The following PRKCA variants were observed in gnomAD, a reference collection of about 807,000 sequenced individuals.
PRKCA encodes the protein protein kinase C alpha type.
In PRKCA, 27 loss-of-function variants were observed where a neutral mutation model predicts 87.0. The observed-to-expected ratio is 0.31, with a 90% CI of 0.23 to 0.43. PRKCA has a LOEUF of 0.43. Among genes scored for constraint, PRKCA ranks in the 20% least tolerant of loss-of-function variants. The probability of loss-of-function intolerance (pLI) is 1.00; values close to 1 mark genes in which losing one functional copy is unlikely to be tolerated. For missense variants in PRKCA, 518 were observed against 852.3 expected (o/e 0.61, Z 4.88); for synonymous variants, 329 against 311.1 (o/e 1.06, Z -0.61).
chr17:66,575,402 A>G (rs990745686), intron 3 of PRKCA, among the ~76,000 whole-genome samples: 13 of 152,204 alleles, frequency 8.5e-5, no homozygotes, highest in African/African-American at 3.1e-4. Context: ...AACATGGGTG[A>G]AACCCCATCT....
At chr17:66,756,722 C>T (rs1021275186) in intron 13 of PRKCA, among the ~76,000 whole-genome samples, 4 of 152,190 alleles carry the variant, frequency 2.6e-5, no homozygotes, top group African/African-American at 9.6e-5. Flanking sequence ...AGTCCAGTAG[C>T]ATGATCTCAG....
intron 2 of PRKCA, among the ~76,000 whole-genome samples, chr17:66,467,779 A>G (rs1169188694): frequency 6.6e-6 from 1 of 151,916 alleles, no homozygotes; most frequent in Non-Finnish European, 1.5e-5. Flanking sequence ...GCTTGTCTTG[A>G]ACTTCTGGGC....
In PRKCA at chr17:66,485,446, C is replaced by T. The variant is rs191008747; in HGVS notation, c.206-10755C>T. ...ACGTGCTGAGTGCTTATGCCCTTAG[C>T]GAGGGAGAGAGGTTTCATCCATGCT... On this transcript the variant is annotated intron_variant, in intron 2 of 16. Transcript: ENST00000413366. 6.4e-3 allele frequency among the ~76,000 whole-genome samples: 979 copies of T among 152,278 alleles called. 31 individuals carry two copies. The highest frequency in any genetic ancestry group is 0.055 in the Admixed American group (841 of 15,298).
intron 2 of PRKCA, among the ~76,000 whole-genome samples, chr17:66,468,210 T>A (rs1915170840): frequency 6.6e-6 from 1 of 152,242 alleles, no homozygotes; most frequent in South Asian, 2.1e-4. Context: ...TTCCTTTATC[T>A]GGGTCTGTGC....
At chr17:66,777,202 C>T in intron 14 of PRKCA, 1 of 985,430 alleles carries the variant, frequency 1.0e-6, no homozygotes, top group Non-Finnish European at 1.2e-6. Flanking sequence ...TGTTGTAACA[C>T]TGTGACCATG....
chr17:66,631,434 G>T (rs1199538984), intron 3 of PRKCA, among the ~76,000 whole-genome samples: 1 of 152,056 alleles, frequency 6.6e-6, no homozygotes, highest in Admixed American at 6.6e-5. Flanking sequence ...TAGAGACAGG[G>T]TCTCACTATG....
At chr17:66,674,093 A>T (rs1441704440) in intron 5 of PRKCA, among the ~76,000 whole-genome samples, 1 of 152,194 alleles carries the variant, frequency 6.6e-6, no homozygotes, top group African/African-American at 2.4e-5. Context: ...CAGGAATCCA[A>T]TGAGCGCAGA....
In PRKCA at chr17:66,644,010, G is replaced by A. The variant is rs144101197; in HGVS notation, c.401-1373G>A. ...CTCCCCGTTGCCTCTGTGCTTTCCA[G>A]AGGCTCTGGCATTTACTGCCTTCAC... On this transcript the variant is annotated intron_variant, in intron 4 of 16. Transcript: ENST00000413366. Among the ~76,000 whole-genome samples, 786 of 152,330 alleles carry A rather than the reference G, an allele frequency of 5.2e-3. 11 individuals carry two copies. Among genetic ancestry groups the A allele is most frequent in the African/African-American group, 0.016 (676 of 41,566 alleles).
rs539520524 is a variant in PRKCA at position 66,734,567 on chromosome 17, C to T, written c.1057-922C>T. ...TCTCATCGCCATCTTGGATTTGGTG[C>T]GTTTTGGCTGGCTTCTTTACTGTAT... On this transcript the variant is annotated intron_variant, in intron 9 of 16. Transcript: ENST00000413366. Among the ~76,000 whole-genome samples the T allele has an allele frequency of 4.6e-5, 7 of 152,264 alleles. No individual in the cohort carries two copies. In the South Asian group the frequency reaches 8.3e-4, roughly 18 times the overall value.
chr17:66,738,947 C>G, intron 11 of PRKCA, 92 bp downstream of exon 11: 1 of 972,244 alleles, frequency 1.0e-6, no homozygotes, highest in South Asian at 1.4e-5. Context: ...GATTGGGGGT[C>G]TCACTCTGTC....
intron 2 of PRKCA, among the ~76,000 whole-genome samples, chr17:66,367,173 A>T (rs1908778659): frequency 6.6e-6 from 1 of 152,254 alleles, no homozygotes; most frequent in Non-Finnish European, 1.5e-5. Flanking sequence ...GACCATGGTG[A>T]GTTCACAAAA....
intron 13 of PRKCA, among the ~76,000 whole-genome samples, chr17:66,755,100 C>T (rs1204130579): frequency 1.3e-5 from 2 of 152,066 alleles, no homozygotes; most frequent in African/African-American, 4.8e-5. Context: ...CTAGCCTTAC[C>T]GAAGAGCTAA....
At chr17:66,515,237 A>C (rs1365889381) in intron 3 of PRKCA, among the ~76,000 whole-genome samples, 1 of 143,612 alleles carries the variant, frequency 7.0e-6, no homozygotes. Context: ...GCGCCGCTGC[A>C]CTCCAGCCTA....
chr17:66,356,378 G>C (rs1047860037), intron 2 of PRKCA, among the ~76,000 whole-genome samples: 1 of 152,138 alleles, frequency 6.6e-6, no homozygotes, highest in Admixed American at 6.5e-5. Context: ...GCTCACGCCT[G>C]TAATCCCAGC....
intron 5 of PRKCA, among the ~76,000 whole-genome samples, chr17:66,652,766 T>A (rs1224115806): frequency 6.6e-6 from 1 of 152,208 alleles, no homozygotes. Context: ...TAGAGGTCAT[T>A]CTTGGCTAGA....
At chr17:66,618,715 G>T (rs890495359) in intron 3 of PRKCA, among the ~76,000 whole-genome samples, 7 of 152,148 alleles carry the variant, frequency 4.6e-5, no homozygotes, top group African/African-American at 1.4e-4. Context: ...AAGCGATTTC[G>T]TATTCTGGGA....
intron 16 of PRKCA, among the ~76,000 whole-genome samples, chr17:66,801,590 C>T (rs1370323042): frequency 2.0e-5 from 3 of 152,220 alleles, no homozygotes; most frequent in Non-Finnish European, 2.9e-5. Context: ...AGCCTTTCTC[C>T]GTGTTTGCAA....
intron 2 of PRKCA, among the ~76,000 whole-genome samples, chr17:66,405,563 C>A (rs1037430601): frequency 1.2e-4 from 19 of 152,140 alleles, no homozygotes; most frequent in African/African-American, 4.1e-4. Context: ...AAAAAAAAAA[C>A]CAACCCTTGT....
chr17:66,466,652 T>A (rs932373052), intron 2 of PRKCA, among the ~76,000 whole-genome samples: 5 of 152,326 alleles, frequency 3.3e-5, no homozygotes, highest in African/African-American at 1.2e-4. Flanking sequence ...GTATTCCACA[T>A]AAAATCTAAA....
Sources: gnomAD v4.1 joint callset for allele counts (sites outside exome capture counted in the v4.1 genomes callset) on GRCh38, gnomAD v4.1.1 for gene constraint, MANE v1.5 for transcripts, NCBI Gene and HGNC (gene_info 2026-07-23, HGNC 2026-07-21) for gene names.